The following CUX1 variants were observed in gnomAD, a reference collection of about 807,000 sequenced individuals.
The protein encoded by CUX1 is protein CASP.
In CUX1, 31 loss-of-function variants were observed where a neutral mutation model predicts 158.8. The observed-to-expected ratio is 0.20, with a 90% CI of 0.15 to 0.26. The LOEUF (loss-of-function observed/expected upper bound fraction) is 0.26, where lower values mean the gene tolerates loss of function less well. Ranked by LOEUF, CUX1 falls within the 10% of genes least tolerant of loss-of-function variation. The probability of loss-of-function intolerance (pLI) is 1.00; values close to 1 mark genes in which losing one functional copy is unlikely to be tolerated. For missense variants in CUX1, 1,589 were observed against 2,014.6 expected (o/e 0.79, Z 4.04); for synonymous variants, 879 against 862.1 (o/e 1.02, Z -0.34).
chr7:102,225,394 G>A (rs1798243298), intron 20 of CUX1, among the ~76,000 whole-genome samples: 2 of 152,190 alleles, frequency 1.3e-5, no homozygotes, highest in African/African-American at 4.8e-5. Flanking sequence ...GCAGGTTAGT[G>A]TATCCTGGAT....
intron 16 of CUX1, 23 bp from the exon 17 acceptor site, chr7:102,200,048 A>G (rs1795250629): frequency 6.3e-7 from 1 of 1,590,290 alleles, no homozygotes; most frequent in Non-Finnish European, 8.6e-7. Flanking sequence ...GTTTGATGTC[A>G]TTGGCGCAAC....
In CUX1 at chr7:102,232,414, C is replaced by G. The variant is rs939591072; in HGVS notation, c.3434-1638C>G. Among the ~76,000 whole-genome samples the G allele has an allele frequency of 3.9e-4, 60 of 152,206 alleles. 1 individual carries two copies. Among genetic ancestry groups the G allele is most frequent in the African/African-American group, 1.3e-3 (53 of 41,448 alleles). On this transcript the variant is annotated intron_variant, in intron 21 of 23. Coordinates refer to ENST00000292535, the MANE Select transcript of CUX1 (RefSeq NM_181552.4). The stretch of plus-strand genomic sequence containing the variant: ...TACTTGGAGGCCCCCTTCTTAGAAG[C>G]CAGTGTGTGGTGTTTCTATTTCACA...
chr7:102,260,133 G>A (rs1216217814), downstream of CUX1, among the ~76,000 whole-genome samples: 1 of 150,238 alleles, frequency 6.7e-6, no homozygotes, highest in East Asian at 1.9e-4. Context: ...TTAGCTCAAA[G>A]TCTTTTTCCT....
intron 1 of CUX1, among the ~76,000 whole-genome samples, chr7:101,827,244 C>CCTTCTCTTCTCGTCT (rs1793414105): frequency 7.7e-6 from 1 of 129,676 alleles, no homozygotes; most frequent in African/African-American, 3.0e-5. Context: ...CCCCTCCCCT[C>CCTTCTCTTCTCGTCT]CTTCTCTTCT....
intron 22 of CUX1, among the ~76,000 whole-genome samples, chr7:102,238,436 A>G (rs1253496138): frequency 6.6e-6 from 1 of 152,100 alleles, no homozygotes; most frequent in Non-Finnish European, 1.5e-5. Flanking sequence ...CTATCTCTGT[A>G]TGGCCTGGTT....
intron 16 of CUX1, among the ~76,000 whole-genome samples, 167 bp from the exon 17 acceptor site, chr7:102,199,904 G>A (rs1041873087): frequency 1.4e-4 from 21 of 152,186 alleles, no homozygotes; most frequent in African/African-American, 3.4e-4. Context: ...GCCCGGTGTC[G>A]CTGTGAAGTT....
chr7:102,032,028 C>T (rs1307188219), intron 3 of CUX1, among the ~76,000 whole-genome samples: 2 of 151,608 alleles, frequency 1.3e-5, no homozygotes, highest in African/African-American at 2.4e-5. Flanking sequence ...CTGGCTCAAG[C>T]GATTTGCCCA....
intron 20 of CUX1, among the ~76,000 whole-genome samples, chr7:102,225,416 A>G (rs190751816): frequency 3.9e-5 from 6 of 152,354 alleles, no homozygotes; most frequent in Non-Finnish European, 7.3e-5. Context: ...CAGTATGTCC[A>G]GAAAAGGACT....
intron 2 of CUX1, among the ~76,000 whole-genome samples, chr7:101,991,758 C>CAAAAAAAAAAAAAAAAAAACA (rs34948858): frequency 8.6e-6 from 1 of 115,932 alleles, no homozygotes; most frequent in Non-Finnish European, 1.8e-5. Context: ...GACTTCATCT[C>CAAAAAAAAAAAAAAAAAAACA]AAAAAAAAAA....
chr7:102,195,601 G>A lies in CUX1; in HGVS notation c.1220G>A (p.Ser407Asn), dbSNP rs1554518078. 6.2e-7 allele frequency: 1 copy of A among 1,605,124 alleles called. No homozygotes were observed. The highest frequency in any genetic ancestry group is 8.5e-7 in the Non-Finnish European group (1 of 1,176,938). Residue 407 changes from serine (S) to asparagine (N), a missense_variant and splice_region_variant, in exon 14 of 24, where the codon AGC (serine) becomes AAC (asparagine). Transcript: ENST00000292535. ...CTGCGCATCTCCAACAGCGACCTGA[G>A]CGGTAGGTTGGCCGGGCTTCGCGCG... is the stretch of plus-strand genomic sequence containing the variant. ...AALRISNSDL[S>N]GSARRKGKDQ...
upstream of CUX1, chr7:101,817,442 CCG>C (rs1392680052): frequency 3.0e-6 from 3 of 984,288 alleles, no homozygotes; most frequent in African/African-American, 5.3e-5. This position sits in a 1 kb window ranked among gnomAD's most constrained non-coding sequence, Gnocchi z 4.1. Flanking sequence ...GGGCGGTGGT[CCG>C]CGCGCGGAGT....
chr7:102,072,990 A>T (rs936386459), intron 4 of CUX1, among the ~76,000 whole-genome samples: 1 of 151,862 alleles, frequency 6.6e-6, no homozygotes, highest in Non-Finnish European at 1.5e-5. Flanking sequence ...TTCTATTCCA[A>T]GAAGTTCTTG....
chr7:101,907,960 GA>G (rs552170496), intron 1 of CUX1, among the ~76,000 whole-genome samples: 3 of 147,446 alleles, frequency 2.0e-5, no homozygotes, highest in East Asian at 2.0e-4. Context: ...ATCTATTAAA[GA>G]AAAAAAAAAC....
intron 2 of CUX1, among the ~76,000 whole-genome samples, chr7:101,942,809 G>T (rs1807872537): frequency 6.6e-6 from 1 of 152,224 alleles, no homozygotes; most frequent in South Asian, 2.1e-4. Flanking sequence ...TCCACCGACT[G>T]CTCCAAGCCT....
chr7:101,861,537 C>CCCCCTGGGTG (rs1205235219), intron 1 of CUX1, among the ~76,000 whole-genome samples: 1 of 151,904 alleles, frequency 6.6e-6, no homozygotes, highest in East Asian at 1.9e-4. Context: ...TGCTGGTTGG[C>CCCCCTGGGTG]CCCCTGGGTG....
At position 102,248,465 on chromosome 7, in the gene CUX1, G is replaced by A. The variant is rs1554537769; in HGVS notation, c.3941G>A (p.Gly1314Asp). The A allele has an allele frequency of 6.3e-7, 1 of 1,596,688 alleles. No individual in the cohort carries two copies. The highest frequency in any genetic ancestry group is 1.7e-5 in the Admixed American group (1 of 59,130). Residue 1314 changes from glycine to aspartate, a missense_variant, in exon 24 of 24, where the codon GGC becomes GAC. Transcript: ENST00000292535. This position sits in a 1 kb window ranked among gnomAD's most constrained non-coding sequence, Gnocchi z 5.8. ...GAGGAAATTCAGGCCGGGAGTCAGG[G>A]CCAGGCGGGCGCCAGCGACTCACCC... ...FIEEIQAGSQ[G>D]QAGASDSPSA...
intron 4 of CUX1, among the ~76,000 whole-genome samples, chr7:102,085,618 A>G (rs1341511803): frequency 1.3e-5 from 2 of 152,230 alleles, no homozygotes; most frequent in Non-Finnish European, 2.9e-5. Flanking sequence ...GCCACGCTCA[A>G]CTGTGAGTCA....
intron 4 of CUX1, among the ~76,000 whole-genome samples, chr7:102,075,056 A>G (rs933375228): frequency 2.6e-5 from 4 of 151,940 alleles, no homozygotes; most frequent in Admixed American, 2.6e-4. Flanking sequence ...ATGAGTTTTC[A>G]CCATGTTGGC....
intron 2 of CUX1, among the ~76,000 whole-genome samples, chr7:102,004,663 A>T (rs995126411): frequency 6.6e-6 from 1 of 151,926 alleles, no homozygotes; most frequent in Non-Finnish European, 1.5e-5. Flanking sequence ...TTGGAGAGGG[A>T]TGGGGCTAAG....
Sources: gnomAD v4.1 joint callset for allele counts (sites outside exome capture counted in the v4.1 genomes callset) on GRCh38, gnomAD v4.1.1 for gene constraint, Gnocchi (gnomAD v3.1) non-coding constraint, MANE v1.5 for transcripts, NCBI Gene and HGNC (gene_info 2026-07-23, HGNC 2026-07-21) for gene names.